The following CACNA1I variants were observed in gnomAD, a reference collection of about 807,000 sequenced individuals.
CACNA1I encodes the protein voltage-dependent T-type calcium channel subunit alpha-1I.
Under a neutral mutation model 201.6 loss-of-function variants are expected in CACNA1I, and 74 were observed. That is an observed-to-expected ratio of 0.37 (90% confidence interval 0.30 to 0.45). The LOEUF is 0.45. CACNA1I is among the 20% of genes least tolerant of loss of function. The pLI is 1.00. For missense variants in CACNA1I, 2,346 were observed against 3,138.1 expected, an observed-to-expected ratio of 0.75 and a Z score of 6.03; for synonymous variants, 1,431 against 1,345.2, an observed-to-expected ratio of 1.06 and a Z score of -1.40.
rs749562967 is a variant in CACNA1I, at chr22:39,679,116, C to T, written c.5065C>T (p.Arg1689Trp). The change falls in exon 32 of 37, where the codon CGG becomes TGG. Residue 1689 changes from arginine (R) to tryptophan (W), a missense_variant. Physicochemically the swap from Arg to Trp is moderately radical, Grantham distance 101. Transcript: ENST00000402142. ...NWNGIMKDTL[R>W]DCTHDERSCL... ...CCTCCCTGCCACGCAGGACACGCTGCGGGACTGCACCCACGACGAGCGCAG... is the reference window on the plus strand; with the variant it reads ...CCTCCCTGCCACGCAGGACACGCTGTGGGACTGCACCCACGACGAGCGCAG... 11 of 1,589,936 alleles carry T rather than the reference C, an allele frequency of 6.9e-6. No individual in the cohort carries two copies. The highest frequency in any genetic ancestry group is 2.3e-5 in the East Asian group (1 of 43,688).
intron 3 of CACNA1I, among the ~76,000 whole-genome samples, chr22:39,617,650 G>C (rs1208519174): frequency 6.6e-6 from 1 of 152,124 alleles, no homozygotes; most frequent in Non-Finnish European, 1.5e-5. Context: ...TCTACAAAAT[G>C]TGAAAATGAC....
At chr22:39,651,056 C>T (rs1934631888) in intron 10 of CACNA1I, among the ~76,000 whole-genome samples, 1 of 152,182 alleles carries the variant, frequency 6.6e-6, no homozygotes, top group Non-Finnish European at 1.5e-5. Context: ...CTGCCATCCA[C>T]CAGCCCCTGG....
At chr22:39,672,920 C>CA in intron 27 of CACNA1I, 29 bp from the exon 28 acceptor site, 1 of 1,601,474 alleles carries the variant, frequency 6.2e-7, no homozygotes, top group Non-Finnish European at 8.5e-7. Flanking sequence ...CTCATGCCCA[C>CA]TCCTGCCCTC....
At position 39,684,819 on chromosome 22, in the gene CACNA1I, T is replaced by G. The variant is rs1601534913; in HGVS notation, c.6027+321T>G. 2.0e-6 allele frequency: 1 copy of G among 490,316 alleles called. No individual in the cohort carries two copies. Among genetic ancestry groups the G allele is most frequent in the South Asian group, 2.7e-5 (1 of 36,746 alleles). 30.4% of individuals were successfully genotyped at this position (490,316 alleles called of 1,614,324 possible). On this transcript the variant is annotated intron_variant, in intron 36 of 36. Coordinates refer to ENST00000402142, the MANE Select transcript of CACNA1I (RefSeq NM_021096.4). This position sits in a 1 kb window ranked among gnomAD's most constrained non-coding sequence, Gnocchi z 4.6. Reference sequence around the variant, plus strand: ...GAGGAGTACTGGAGGTTTTGCAGGGTGGCGGGGTGCTGGCAGTGGGGAGGA... The same window carrying G: ...GAGGAGTACTGGAGGTTTTGCAGGGGGGCGGGGTGCTGGCAGTGGGGAGGA...
intron 4 of CACNA1I, among the ~76,000 whole-genome samples, chr22:39,632,410 G>A (rs1397095696): frequency 6.6e-6 from 1 of 152,148 alleles, no homozygotes; most frequent in Non-Finnish European, 1.5e-5. Flanking sequence ...CCCTGCAACC[G>A]CCTTCAGGAA....
intron 4 of CACNA1I, among the ~76,000 whole-genome samples, chr22:39,633,439 G>T (rs1371254936): frequency 1.3e-5 from 2 of 152,214 alleles, no homozygotes; most frequent in Admixed American, 6.5e-5. Flanking sequence ...CCTAGGCTAG[G>T]TCAGAGGTGC....
intron 4 of CACNA1I, among the ~76,000 whole-genome samples, chr22:39,623,924 C>T (rs192161651): frequency 5.5e-5 from 6 of 109,486 alleles, no homozygotes; most frequent in East Asian, 2.7e-4. Flanking sequence ...GTATGTGTGA[C>T]GTGTTTGTGT....
chr22:39,669,889 A>T, intron 24 of CACNA1I, 149 bp from the exon 25 acceptor site: 1 of 822,268 alleles, frequency 1.2e-6, no homozygotes, highest in Non-Finnish European at 2.0e-6. Context: ...TTTACTTCTT[A>T]CCTGCTGCCT....
chr22:39,666,603 C>T lies in CACNA1I; in HGVS notation c.4104+597C>T, dbSNP rs190005875. 8.5e-5 allele frequency among the ~76,000 whole-genome samples: 13 copies of T among 152,332 alleles called. No individual in the cohort carries two copies. The East Asian group carries it at 2.3e-3, about 27-fold the overall frequency. On this transcript the variant is annotated intron_variant, in intron 23 of 36. Transcript: ENST00000402142. The surrounding 1 kb of genome is among the most constrained non-coding windows in gnomAD (Gnocchi z 4.1). Reference sequence around the variant, plus strand: ...CAGTGCCCCAGGTGAGGGCCCTTGGCTGGCTGCCTCCCCTTCCCTGCTCTC... The same window carrying T: ...CAGTGCCCCAGGTGAGGGCCCTTGGTTGGCTGCCTCCCCTTCCCTGCTCTC...
At chr22:39,602,522 T>C (rs1933097644) in intron 3 of CACNA1I, among the ~76,000 whole-genome samples, 1 of 150,484 alleles carries the variant, frequency 6.6e-6, no homozygotes, top group African/African-American at 2.5e-5. Flanking sequence ...TTCATTCTTA[T>C]TCTGGTTTGG....
chr22:39,583,974 A>T (rs952059796), intron 1 of CACNA1I, among the ~76,000 whole-genome samples: 2 of 152,212 alleles, frequency 1.3e-5, no homozygotes, highest in Admixed American at 6.5e-5. Flanking sequence ...ATGGCCTGAG[A>T]TGAGGCTGGA....
chr22:39,685,860 C>T lies in CACNA1I; in HGVS notation c.6127C>T (p.Arg2043Trp). The T allele has an allele frequency of 1.4e-6, 2 of 1,475,256 alleles. No individual in the cohort carries two copies. Among genetic ancestry groups the T allele is most frequent in the Non-Finnish European group, 1.8e-6 (2 of 1,121,714 alleles). 91.4% of individuals were successfully genotyped at this position (1,475,256 alleles called of 1,614,324 possible). A position where few individuals can be genotyped will look rare whatever the true frequency, so the allele number is the denominator to read the frequency against. The stretch of plus-strand genomic sequence containing the variant: ...CAGCCTGACCCTGAGCGACAGCCCC[C>T]GGCGTGCCCTGGGGCCGCCCGCGCC... ...EDSLTLSDSPRRALGPPAPAP... is the reference protein window; with the variant it reads ...EDSLTLSDSPWRALGPPAPAP... The change falls in exon 37 of 37, where the codon CGG becomes TGG. Residue 2043 changes from arginine to tryptophan, a missense_variant. Transcript: ENST00000402142. The surrounding 1 kb of genome is among the most constrained non-coding windows in gnomAD (Gnocchi z 5.0).
At chr22:39,683,740 A>C (rs1935770995) in intron 35 of CACNA1I, among the ~76,000 whole-genome samples, 1 of 124,714 alleles carries the variant, frequency 8.0e-6, no homozygotes, top group African/African-American at 3.1e-5. Flanking sequence ...CAGCCTTCAG[A>C]CCCCCCACCC....
rs780985358 is a variant in CACNA1I at position 39,685,777 on chromosome 22, C to G, written c.6044C>G (p.Thr2015Arg). Reference protein sequence around the residue: ...TLLRQATGSDTSLDASPSSSA... With the variant: ...TLLRQATGSDRSLDASPSSSA... ...TCCCCCCAGGCCACCGGGAGCGACA[C>G]GTCGCTGGACGCCAGCCCCAGCAGC... The change falls in exon 37 of 37, where the codon ACG (threonine) becomes AGG (arginine). Residue 2015 changes from threonine to arginine, a missense_variant. Transcript: ENST00000402142. This position sits in a 1 kb window ranked among gnomAD's most constrained non-coding sequence, Gnocchi z 5.0. 1 of 1,491,430 alleles carries G rather than the reference C, an allele frequency of 6.7e-7. No homozygotes were observed. The highest frequency in any genetic ancestry group is 2.1e-5 in the Admixed American group (1 of 46,604). The allele number at this position is 1,491,430 out of a possible 1,614,324, so 92.4% of individuals were successfully genotyped here.
At position 39,684,423 on chromosome 22, in the gene CACNA1I, C is replaced by T. The variant is rs773629221; in HGVS notation, c.5952C>T (p.Thr1984=). The change falls in exon 36 of 37, where the codon ACC becomes ACT. Residue 1984 remains threonine, a synonymous_variant. Transcript: ENST00000402142. This position sits in a 1 kb window ranked among gnomAD's most constrained non-coding sequence, Gnocchi z 4.6. ...KGPEKGTGTG[T]LPKIALQGSW... is the part of the protein sequence containing the mutation. ...CAGAAAAGGGCACTGGCACTGGAAC[C>T]CTCCCCAAGATTGCGCTGCAGGGCT... 6.2e-7 allele frequency: 1 copy of T among 1,613,640 alleles called. No homozygotes were observed. Among genetic ancestry groups the T allele is most frequent in the Admixed American group, 1.7e-5 (1 of 60,024 alleles).
chr22:39,681,372 G>A (rs1387763823), intron 34 of CACNA1I, among the ~76,000 whole-genome samples: 4 of 152,224 alleles, frequency 2.6e-5, no homozygotes, highest in African/African-American at 4.8e-5. Flanking sequence ...AGGCTGAAGC[G>A]AACGGGGGAG....
intron 4 of CACNA1I, among the ~76,000 whole-genome samples, chr22:39,628,665 T>G (rs1933964221): frequency 6.6e-6 from 1 of 152,190 alleles, no homozygotes; most frequent in East Asian, 1.9e-4. Flanking sequence ...AAGCTGGCTG[T>G]CTGCTGCCTG....
At chr22:39,594,687 C>T (rs554686090) in intron 1 of CACNA1I, among the ~76,000 whole-genome samples, 19 of 152,146 alleles carry the variant, frequency 1.2e-4, no homozygotes, top group African/African-American at 4.3e-4. Flanking sequence ...GGGTGGGGTC[C>T]TGCTGAGGGT....
At position 39,649,614 on chromosome 22, in the gene CACNA1I, G is replaced by A. The variant is rs1411404461; in HGVS notation, c.1681G>A (p.Gly561Ser). 31 of 1,535,904 alleles carry A rather than the reference G, an allele frequency of 2.0e-5. No individual in the cohort carries two copies. In the East Asian group the frequency reaches 2.7e-4, roughly 13 times the overall value. ...ASCPCCQHED[G>S]RRPSGLGSTD... ...CTGCCCTTGCTGCCAGCATGAGGAC[G>A]GCCGGCGGCCCTCGGGCCTGGGCAG... The change falls in exon 10 of 37, where the codon GGC (glycine) becomes AGC (serine). Residue 561 changes from glycine (G) to serine (S), a missense_variant. Physicochemically the swap from Gly to Ser is moderately conservative, Grantham distance 56. Coordinates refer to ENST00000402142, the MANE Select transcript of CACNA1I (RefSeq NM_021096.4). The surrounding 1 kb of genome is among the most constrained non-coding windows in gnomAD (Gnocchi z 7.3).
Sources: allele counts gnomAD v4.1 joint callset (sites outside exome capture counted in the v4.1 genomes callset), GRCh38; gene constraint gnomAD v4.1.1; non-coding constraint Gnocchi (gnomAD v3.1); transcripts MANE v1.5; gene names NCBI Gene and HGNC (gene_info 2026-07-23, HGNC 2026-07-21).